The following HCN1 variants were observed in gnomAD, a reference collection of about 807,000 sequenced individuals.
HCN1 encodes the protein potassium/sodium hyperpolarization-activated cyclic nucleotide-gated channel 1.
In HCN1, 13 loss-of-function variants were observed where a neutral mutation model predicts 78.9. The observed-to-expected ratio is 0.16, with a 90% CI of 0.11 to 0.26. The LOEUF (loss-of-function observed/expected upper bound fraction) is 0.26. HCN1 is among the 10% of genes least tolerant of loss of function. HCN1 has a pLI of 1.00. For missense variants in HCN1, 810 were observed against 1,154.3 expected, an observed-to-expected ratio of 0.70 and a Z score of 4.32; for synonymous variants, 552 against 455.5, an observed-to-expected ratio of 1.21 and a Z score of -2.70.
chr5:45,467,829 T>C (rs1741307227), intron 2 of HCN1, among the ~76,000 whole-genome samples: 1 of 152,068 alleles, frequency 6.6e-6, no homozygotes, highest in Admixed American at 6.6e-5. Flanking sequence ...ATCTCTCAAT[T>C]CCTAAAAAAC....
chr5:45,564,361 C>T (rs1489632254), intron 2 of HCN1, among the ~76,000 whole-genome samples: 1 of 151,742 alleles, frequency 6.6e-6, no homozygotes, highest in Non-Finnish European at 1.5e-5. Flanking sequence ...CCTGTGTTCA[C>T]GCCATTCTCC....
intron 2 of HCN1, among the ~76,000 whole-genome samples, chr5:45,623,816 A>G (rs925702656): frequency 6.6e-6 from 1 of 152,222 alleles, no homozygotes; most frequent in Non-Finnish European, 1.5e-5. Context: ...TGCTATGAAC[A>G]AAAAATAGAA....
chr5:45,646,971 T>G (rs1031447868), intron 1 of HCN1, among the ~76,000 whole-genome samples: 6 of 152,166 alleles, frequency 3.9e-5, no homozygotes, highest in Non-Finnish European at 7.4e-5. Context: ...TTAGACTATT[T>G]GAGCTACATT....
intron 2 of HCN1, among the ~76,000 whole-genome samples, chr5:45,523,632 GT>G (rs1483111618): frequency 6.6e-6 from 1 of 152,014 alleles, no homozygotes; most frequent in African/African-American, 2.4e-5. Flanking sequence ...ATTTTTTCAT[GT>G]GTTTTTTGGC....
intron 5 of HCN1, among the ~76,000 whole-genome samples, chr5:45,346,830 C>A (rs989067244): frequency 2.0e-5 from 3 of 152,166 alleles, no homozygotes; most frequent in Non-Finnish European, 4.4e-5. Flanking sequence ...CCTCCATGGC[C>A]CAGGCTTGCT....
At chr5:45,623,310 G>A (rs1366039080) in intron 2 of HCN1, among the ~76,000 whole-genome samples, 1 of 152,126 alleles carries the variant, frequency 6.6e-6, no homozygotes, top group Non-Finnish European at 1.5e-5. Context: ...AGACTAATGA[G>A]TCAGAGATGC....
At chr5:45,674,146 TATATAG>T (rs1166106607) in intron 1 of HCN1, among the ~76,000 whole-genome samples, 4 of 151,184 alleles carry the variant, frequency 2.6e-5, no homozygotes, top group Non-Finnish European at 4.4e-5. Flanking sequence ...TATATGTATA[TATATAG>T]ATATATAGAT....
At chr5:45,293,047 T>C (rs1472387922) in intron 6 of HCN1, among the ~76,000 whole-genome samples, 1 of 152,072 alleles carries the variant, frequency 6.6e-6, no homozygotes, top group Non-Finnish European at 1.5e-5. Flanking sequence ...CACAAAGAGA[T>C]GAAAACACAT....
At chr5:45,463,913 A>C (rs1741217393) in intron 2 of HCN1, among the ~76,000 whole-genome samples, 1 of 152,104 alleles carries the variant, frequency 6.6e-6, no homozygotes, top group Non-Finnish European at 1.5e-5. Flanking sequence ...GAAGCTTATC[A>C]CATTTCAGCC....
intron 3 of HCN1, among the ~76,000 whole-genome samples, chr5:45,425,786 G>A (rs557927158): frequency 6.6e-5 from 10 of 152,250 alleles, no homozygotes; most frequent in African/African-American, 1.9e-4. Flanking sequence ...AGATTTTACC[G>A]ACAGAAGAGT....
chr5:45,285,379 C>CCATTT (rs77720396), intron 6 of HCN1, among the ~76,000 whole-genome samples: 25,167 of 151,764 alleles, frequency 0.17, 2,243 homozygotes, highest in Admixed American at 0.24. Context: ...TCCTCTGCGG[C>CCATTT]CTTTTCTCAT....
At chr5:45,439,930 TTGTA>T (rs999610195) in intron 3 of HCN1, among the ~76,000 whole-genome samples, 2 of 148,976 alleles carry the variant, frequency 1.3e-5, no homozygotes, top group African/African-American at 2.4e-5. Flanking sequence ...ATTAGTCATA[TTGTA>T]TGTAATTATA....
At position 45,359,574 on chromosome 5, in the gene HCN1, T is replaced by A. The variant is rs199523164; in HGVS notation, c.1231-6328A>T. On this transcript the variant is annotated intron_variant, in intron 4 of 7. Coordinates refer to ENST00000303230, the MANE Select transcript of HCN1 (RefSeq NM_021072.4). ...TGAAACAAAAGTTAATACTTTTTTT[T>A]AAAAGGCAAAAGACTTTTTGGTGAG... 6.6e-5 allele frequency among the ~76,000 whole-genome samples: 10 copies of A among 152,054 alleles called. No individual in the cohort carries two copies. In the East Asian group the frequency reaches 1.5e-3, roughly 24 times the overall value.
At chr5:45,299,576 G>A (rs1745567115) in intron 6 of HCN1, among the ~76,000 whole-genome samples, 1 of 151,688 alleles carries the variant, frequency 6.6e-6, no homozygotes. Flanking sequence ...AAGCTTTCCA[G>A]GAGATAGTAA....
intron 1 of HCN1, among the ~76,000 whole-genome samples, chr5:45,681,304 A>G (rs1739697763): frequency 6.6e-6 from 1 of 151,948 alleles, no homozygotes; most frequent in South Asian, 2.1e-4. Flanking sequence ...GTTGCCCATG[A>G]TTTTTTGTTT....
At chr5:45,496,376 A>G (rs975470044) in intron 2 of HCN1, among the ~76,000 whole-genome samples, 4 of 151,404 alleles carry the variant, frequency 2.6e-5, no homozygotes, top group African/African-American at 9.7e-5. Flanking sequence ...TAGATTTTCT[A>G]GTTTATTTGC....
intron 3 of HCN1, among the ~76,000 whole-genome samples, chr5:45,434,160 T>G (rs1229341018): frequency 6.6e-6 from 1 of 152,232 alleles, no homozygotes; most frequent in African/African-American, 2.4e-5. Context: ...TTTAAGTTGC[T>G]TCTGAAGAAT....
chr5:45,648,334 A>G (rs1745589989), intron 1 of HCN1, among the ~76,000 whole-genome samples: 1 of 152,216 alleles, frequency 6.6e-6, no homozygotes, highest in African/African-American at 2.4e-5. Context: ...TCTTTACTAC[A>G]GTAATAATGC....
At chr5:45,644,030 T>C (rs1399608463) in intron 2 of HCN1, 2 of 152,194 alleles carry the variant, frequency 1.3e-5, no homozygotes, top group African/African-American at 2.4e-5. Flanking sequence ...CAGTGTATTA[T>C]GCAGTGTTTT....
Sources: gnomAD v4.1 joint callset for allele counts (sites outside exome capture counted in the v4.1 genomes callset) on GRCh38, gnomAD v4.1.1 for gene constraint, MANE v1.5 for transcripts, NCBI Gene and HGNC (gene_info 2026-07-23, HGNC 2026-07-21) for gene names.